Variants in ANXA10 observed in about 807,000 individuals in gnomAD.
ANXA10 encodes the protein annexin 14.
In ANXA10, 49 loss-of-function variants were observed where a neutral mutation model predicts 53.5. That is an observed-to-expected ratio of 0.92 (90% CI 0.73 to 1.16). The LOEUF is 1.16. Among genes scored for constraint, ANXA10 ranks in the 50% most tolerant of loss-of-function variants. The pLI is 0.00. For synonymous variants in ANXA10, 131 were observed against 128.9 expected (o/e 1.02, Z -0.11); for missense variants, 393 against 394.4 (o/e 1.00, Z 0.03).
intron 3 of ANXA10, among the ~76,000 whole-genome samples, chr4:168,160,895 T>C (rs1394981600): frequency 6.6e-6 from 1 of 152,186 alleles, no homozygotes; most frequent in African/African-American, 2.4e-5. Flanking sequence ...TTCCCACTTT[T>C]TAATGGGGTT....
rs138697771 is a variant in ANXA10 at position 168,149,130 on chromosome 4, G to T, written c.195+9550G>T. On this transcript the variant is annotated intron_variant, in intron 3 of 11. Coordinates refer to ENST00000359299, the MANE Select transcript of ANXA10 (RefSeq NM_007193.5). The stretch of plus-strand genomic sequence containing the variant: ...TTTGGTATTCTATAGTTTCACTGTG[G>T]TAGTCAACAGGCTTGTACATTTTTG... Among the ~76,000 whole-genome samples, 715 of 152,122 alleles carry T rather than the reference G, an allele frequency of 4.7e-3. 3 individuals carry two copies. Among genetic ancestry groups the T allele is most frequent in the South Asian group, 0.011 (52 of 4,820 alleles).
intron 1 of ANXA10, among the ~76,000 whole-genome samples, chr4:168,118,068 C>T (rs1166227094): frequency 1.3e-5 from 2 of 152,052 alleles, no homozygotes; most frequent in Non-Finnish European, 2.9e-5. Flanking sequence ...GCAAACTCCA[C>T]ACAGTATCAC....
chr4:168,093,532 G>A (rs1730493440), intron 1 of ANXA10, among the ~76,000 whole-genome samples: 1 of 152,208 alleles, frequency 6.6e-6, no homozygotes. Context: ...GTGTGTTAAT[G>A]ATGATTCTTT....
chr4:168,154,030 G>C (rs1731558516), intron 3 of ANXA10, among the ~76,000 whole-genome samples: 1 of 151,730 alleles, frequency 6.6e-6, no homozygotes, highest in African/African-American at 2.4e-5. Flanking sequence ...GCGTGCCTCT[G>C]AGTTGAAAAC....
intron 3 of ANXA10, among the ~76,000 whole-genome samples, chr4:168,156,391 T>A (rs28591355): frequency 0.5 from 55,130 of 109,824 alleles, 14,415 homozygotes; most frequent in Non-Finnish European, 0.53. Context: ...TTAATATATA[T>A]TATATTATAT....
At chr4:168,125,702 C>T (rs1731056657) in intron 1 of ANXA10, among the ~76,000 whole-genome samples, 1 of 152,108 alleles carries the variant, frequency 6.6e-6, no homozygotes, top group Non-Finnish European at 1.5e-5. Context: ...CAGTCTCAGG[C>T]ATTAATAAAT....
intron 6 of ANXA10, among the ~76,000 whole-genome samples, chr4:168,171,216 A>C (rs1731979305): frequency 6.6e-6 from 1 of 152,198 alleles, no homozygotes; most frequent in South Asian, 2.1e-4. Context: ...AAGGGAGGTG[A>C]AATTTGGAGC....
Position 168,182,442 on chromosome 4 carries a change from T to A in ANXA10, c.783+701T>A, listed in dbSNP as rs1201849841. On this transcript the variant is annotated intron_variant, in intron 10 of 11. Transcript: ENST00000359299. ...GCCTCCCGGGTTCACGCCATTCTCC[T>A]GCCTCAGCCTCCCAAGTAGCTGGGA... Among the ~76,000 whole-genome samples, 4 of 142,290 alleles carry A rather than the reference T, an allele frequency of 2.8e-5. No homozygotes were observed. The East Asian group carries it at 9.1e-4, about 33-fold the overall frequency. The allele number at this position is 142,290 out of a possible 152,430, so 93.3% of individuals were successfully genotyped here. A position where few individuals can be genotyped will look rare whatever the true frequency, so the allele number is the denominator to read the frequency against.
At chr4:168,130,634 A>T (rs1189552917) in intron 2 of ANXA10, among the ~76,000 whole-genome samples, 1 of 151,968 alleles carries the variant, frequency 6.6e-6, no homozygotes, top group Admixed American at 6.6e-5. Flanking sequence ...ATTACCACCG[A>T]CTTAAGTTTT....
chr4:168,141,479 C>A (rs1335650073), intron 3 of ANXA10, among the ~76,000 whole-genome samples: 4 of 152,172 alleles, frequency 2.6e-5, no homozygotes, highest in Non-Finnish European at 5.9e-5. Context: ...GACTCAAAAT[C>A]TAAATTTTCA....
chr4:168,128,737 G>T lies in ANXA10; in HGVS notation c.100+572G>T, dbSNP rs79355019. Reference sequence around the variant, plus strand: ...GGGCACTGCAAGCTCAATCAGCTATGCCAACCCCCCAGGCACCTTACTTCC... The same window carrying T: ...GGGCACTGCAAGCTCAATCAGCTATTCCAACCCCCCAGGCACCTTACTTCC... On this transcript the variant is annotated intron_variant, in intron 2 of 11. Transcript: ENST00000359299. Among the ~76,000 whole-genome samples, 1,231 of 151,956 alleles carry T rather than the reference G, an allele frequency of 8.1e-3. 20 individuals are homozygous for T. The highest frequency in any genetic ancestry group is 0.028 in the African/African-American group (1,145 of 41,448).
chr4:168,181,869 C>A, intron 10 of ANXA10, 128 bp downstream of exon 10: 8 of 681,416 alleles, frequency 1.2e-5, no homozygotes, highest in African/African-American at 1.8e-5. Context: ...GAAAATACAC[C>A]CAAGTGAGAA....
chr4:168,146,163 C>A (rs1731403679), intron 3 of ANXA10, among the ~76,000 whole-genome samples: 1 of 152,150 alleles, frequency 6.6e-6, no homozygotes, highest in Non-Finnish European at 1.5e-5. Context: ...CCCGCCTTGG[C>A]CTCTCAAAGT....
chr4:168,170,077 T>C (rs1232056559), intron 6 of ANXA10, among the ~76,000 whole-genome samples: 2 of 152,190 alleles, frequency 1.3e-5, no homozygotes, highest in Non-Finnish European at 2.9e-5. Flanking sequence ...AATTAAACAA[T>C]GATGCTTTAT....
rs112608184 is a variant in ANXA10 at position 168,142,089 on chromosome 4, A to G, written c.195+2509A>G. On this transcript the variant is annotated intron_variant, in intron 3 of 11. Coordinates refer to ENST00000359299, the MANE Select transcript of ANXA10 (RefSeq NM_007193.5). Reference sequence around the variant, plus strand: ...CCTTTCTTTCTGCTCACAGTTGACTAATTGTCCACCCGCTACAGCATTAGG... The same window carrying G: ...CCTTTCTTTCTGCTCACAGTTGACTGATTGTCCACCCGCTACAGCATTAGG... Among the ~76,000 whole-genome samples the G allele has an allele frequency of 8.1e-3, 1,237 of 152,146 alleles. 13 individuals are homozygous for G. Among genetic ancestry groups the G allele is most frequent in the Non-Finnish European group, 0.014 (919 of 68,004 alleles).
At chr4:168,185,008 G>T (rs961260697) in intron 11 of ANXA10, among the ~76,000 whole-genome samples, 2 of 152,088 alleles carry the variant, frequency 1.3e-5, no homozygotes, top group African/African-American at 4.8e-5. Flanking sequence ...CAAAAAATTA[G>T]CCAGGTGTGG....
intron 3 of ANXA10, among the ~76,000 whole-genome samples, chr4:168,152,155 G>GA (rs34540506): frequency 6.6e-6 from 1 of 152,140 alleles, no homozygotes; most frequent in African/African-American, 2.4e-5. Flanking sequence ...AAATGCTTTG[G>GA]AAAAAAAGCA....
intron 1 of ANXA10, among the ~76,000 whole-genome samples, chr4:168,093,552 T>A (rs1730493721): frequency 6.6e-6 from 1 of 152,082 alleles, no homozygotes; most frequent in East Asian, 1.9e-4. Flanking sequence ...TACAAATCTA[T>A]ACTATAAAAA....
In ANXA10 at chr4:168,154,925, C is replaced by G. The variant is rs562996316; in HGVS notation, c.196-7603C>G. Among the ~76,000 whole-genome samples, 20 of 152,246 alleles carry G rather than the reference C, an allele frequency of 1.3e-4. 1 individual carries two copies. In the South Asian group the frequency reaches 4.1e-3, roughly 32 times the overall value. On this transcript the variant is annotated intron_variant, in intron 3 of 11. Coordinates refer to ENST00000359299, the MANE Select transcript of ANXA10 (RefSeq NM_007193.5). ...AAATGCTAGTTGTTATGATAATCAT[C>G]ACATTCTTCTGCCTGGCCTACTCAA...
Sources: gnomAD v4.1 joint callset for allele counts (sites outside exome capture counted in the v4.1 genomes callset) on GRCh38, gnomAD v4.1.1 for gene constraint, MANE v1.5 for transcripts, NCBI Gene and HGNC (gene_info 2026-07-23, HGNC 2026-07-21) for gene names.